Variants in TRAPPC10 observed in about 807,000 individuals in gnomAD.
TRAPPC10 encodes TRAPP 130 kDa subunit.
A neutral mutation model predicts 125.5 loss-of-function variants in TRAPPC10; 23 were observed. The observed-to-expected ratio is 0.18, with a 90% CI of 0.13 to 0.26. The LOEUF is 0.26. Ranked by LOEUF, TRAPPC10 falls within the 10% of genes least tolerant of loss-of-function variation. TRAPPC10 has a pLI of 1.00. For synonymous variants in TRAPPC10, 509 were observed against 518.0 expected (o/e 0.98, Z 0.24); for missense variants, 1,123 against 1,308.4 (o/e 0.86, Z 2.19).
intron 1 of TRAPPC10, among the ~76,000 whole-genome samples, chr21:44,016,707 G>GGAGT (rs547754626): frequency 1.3e-3 from 199 of 152,240 alleles, no homozygotes; most frequent in African/African-American, 4.7e-3. Flanking sequence ...TGCCCAGGCT[G>GGAGT]GAGTGCAGTG....
chr21:44,063,154 C>T lies in TRAPPC10; in HGVS notation c.791-384C>T. 6.1e-6 allele frequency: 8 copies of T among 1,302,334 alleles called. No homozygotes were observed. Among genetic ancestry groups the T allele is most frequent in the Non-Finnish European group, 8.1e-6 (8 of 991,702 alleles). 80.7% of individuals were successfully genotyped at this position (1,302,334 alleles called of 1,614,324 possible). A position where few individuals can be genotyped will look rare whatever the true frequency, so the allele number is the denominator to read the frequency against. ...ACACCAGGATGGTCAGAGCAGGCTGCACTCCAGCCCACAGGTAAAGATAAG... is the reference window on the plus strand; with the variant it reads ...ACACCAGGATGGTCAGAGCAGGCTGTACTCCAGCCCACAGGTAAAGATAAG... On this transcript the variant is annotated intron_variant, in intron 6 of 22. Coordinates refer to ENST00000291574, the MANE Select transcript of TRAPPC10 (RefSeq NM_003274.5). The surrounding 1 kb of genome is among the most constrained non-coding windows in gnomAD (Gnocchi z 4.4).
At chr21:44,013,711 TCTCCTCTC>T (rs1424229117) in intron 1 of TRAPPC10, among the ~76,000 whole-genome samples, 1 of 152,242 alleles carries the variant, frequency 6.6e-6, no homozygotes, top group East Asian at 1.9e-4. Flanking sequence ...TTTTGTCTCT[TCTCCTCTC>T]CTCCTCTCTC....
chr21:44,084,729 C>G lies in TRAPPC10; in HGVS notation c.2380+466C>G, dbSNP rs576898478. Among the ~76,000 whole-genome samples, 64 of 152,308 alleles carry G rather than the reference C, an allele frequency of 4.2e-4. 1 individual carries two copies. The highest frequency in any genetic ancestry group is 1.3e-3 in the African/African-American group (56 of 41,576). ...GGCTCAGTCCCCAAGACAGTCCCCC[C>G]CTTCCCATGCCAGCCACCAGCCCAG... is the stretch of plus-strand genomic sequence containing the variant. On this transcript the variant is annotated intron_variant, in intron 15 of 22. Transcript: ENST00000291574.
At chr21:44,034,575 G>A (rs1255454759) in intron 2 of TRAPPC10, among the ~76,000 whole-genome samples, 1 of 152,178 alleles carries the variant, frequency 6.6e-6, no homozygotes, top group Non-Finnish European at 1.5e-5. Context: ...CCAGGGAAAA[G>A]ACTACGTTTT....
chr21:44,028,215 G>A (rs1027714984), intron 1 of TRAPPC10, among the ~76,000 whole-genome samples: 3 of 152,222 alleles, frequency 2.0e-5, no homozygotes, highest in Non-Finnish European at 4.4e-5. Flanking sequence ...CTAAGCCTAT[G>A]TTAGTAATCT....
At chr21:44,034,343 C>A (rs1415868481) in intron 2 of TRAPPC10, among the ~76,000 whole-genome samples, 13 of 138,474 alleles carry the variant, frequency 9.4e-5, no homozygotes, top group East Asian at 6.5e-4. Context: ...CCCCCCCCCC[C>A]ACCCCCGCCG....
intron 1 of TRAPPC10, among the ~76,000 whole-genome samples, chr21:44,021,304 CAGAG>C (rs933743935): frequency 2.0e-5 from 3 of 152,000 alleles, no homozygotes; most frequent in Non-Finnish European, 4.4e-5. Context: ...TGGGTTATGT[CAGAG>C]AGCAAAGATC....
At chr21:44,085,683 G>A (rs2038078199) in intron 15 of TRAPPC10, among the ~76,000 whole-genome samples, 4 of 151,312 alleles carry the variant, frequency 2.6e-5, no homozygotes, top group Non-Finnish European at 5.9e-5. Context: ...CTCCAGCGTG[G>A]GTGACAGAAC....
chr21:44,045,616 A>G (rs1252787319), intron 3 of TRAPPC10, among the ~76,000 whole-genome samples: 5 of 151,426 alleles, frequency 3.3e-5, no homozygotes, highest in East Asian at 3.9e-4. Flanking sequence ...CAGTGGAGCA[A>G]TCTCGGCTCA....
At chr21:44,033,599 G>C (rs372555097) in intron 2 of TRAPPC10, among the ~76,000 whole-genome samples, 1 of 152,206 alleles carries the variant, frequency 6.6e-6, no homozygotes. Context: ...GGTGGCTCAC[G>C]CCTGTCATCC....
At chr21:44,076,972 T>C (rs559118402) in intron 10 of TRAPPC10, among the ~76,000 whole-genome samples, 9 of 152,352 alleles carry the variant, frequency 5.9e-5, no homozygotes, top group African/African-American at 2.2e-4. Flanking sequence ...TATTTGATTT[T>C]GAAAGACTTA....
At chr21:44,053,182 G>T (rs1238043022) in intron 4 of TRAPPC10, among the ~76,000 whole-genome samples, 1 of 152,136 alleles carries the variant, frequency 6.6e-6, no homozygotes, top group Non-Finnish European at 1.5e-5. Context: ...GGTGGCGAGG[G>T]TTCAGATGGA....
Position 44,087,733 on chromosome 21 carries a change from C to T in TRAPPC10, c.2574C>T (p.Ser858=), listed in dbSNP as rs375344711. The change falls in exon 17 of 23, where the codon TCC becomes TCT. Residue 858 remains serine (S), a synonymous_variant. Transcript: ENST00000291574. This position sits in a 1 kb window ranked among gnomAD's most constrained non-coding sequence, Gnocchi z 4.6. The part of the protein sequence containing the change: ...QSSEAALRIQ[S]SDKVTSISLP... Reference sequence around the variant, plus strand: ...CTGAGGCCGCGCTCCGGATTCAGTCCTCCGACAAGGTCACGAGCATCAGTC... The same window carrying T: ...CTGAGGCCGCGCTCCGGATTCAGTCTTCCGACAAGGTCACGAGCATCAGTC... The T allele has an allele frequency of 6.8e-6, 11 of 1,613,992 alleles. No homozygotes were observed. The East Asian group carries it at 2.2e-4, about 33-fold the overall frequency.
chr21:44,039,242 C>T (rs2034234380), intron 3 of TRAPPC10, among the ~76,000 whole-genome samples: 1 of 152,236 alleles, frequency 6.6e-6, no homozygotes, highest in African/African-American at 2.4e-5. Context: ...CCACCCATCT[C>T]CGTCAGCCCG....
intron 1 of TRAPPC10, among the ~76,000 whole-genome samples, chr21:44,023,408 TC>T (rs748952082): frequency 2.0e-5 from 3 of 152,064 alleles, no homozygotes; most frequent in Non-Finnish European, 4.4e-5. Flanking sequence ...TTTTTGTTGT[TC>T]GTTTAGTATG....
chr21:44,023,646 G>A (rs1245807247), intron 1 of TRAPPC10, among the ~76,000 whole-genome samples: 1 of 152,198 alleles, frequency 6.6e-6, no homozygotes, highest in Non-Finnish European at 1.5e-5. Context: ...TTGCCAAGGA[G>A]CCCTGATTCC....
intron 1 of TRAPPC10, among the ~76,000 whole-genome samples, chr21:44,016,800 A>G (rs1463989100): frequency 1.3e-5 from 2 of 152,138 alleles, no homozygotes; most frequent in African/African-American, 4.8e-5. Flanking sequence ...CTGGGACTAC[A>G]GGCGCCCGCC....
intron 1 of TRAPPC10, 53 bp from the exon 2 acceptor site, chr21:44,032,038 T>G: frequency 6.9e-7 from 1 of 1,442,462 alleles, no homozygotes; most frequent in Non-Finnish European, 9.7e-7. Flanking sequence ...AGAGCCATTT[T>G]GCATGTATTC....
chr21:44,076,520 T>C (rs2037295983), intron 9 of TRAPPC10, 32 bp from the exon 10 acceptor site: 16 of 1,560,670 alleles, frequency 1.0e-5, no homozygotes, highest in African/African-American at 2.7e-5. Context: ...ATGATGAAGA[T>C]GAAGAGGGAC....
Sources: gnomAD v4.1 joint callset for allele counts (sites outside exome capture counted in the v4.1 genomes callset) on GRCh38, gnomAD v4.1.1 for gene constraint, Gnocchi (gnomAD v3.1) non-coding constraint, MANE v1.5 for transcripts, NCBI Gene and HGNC (gene_info 2026-07-23, HGNC 2026-07-21) for gene names.